Variants in SGMS1 observed in about 807,000 individuals in gnomAD.
SGMS1 encodes the protein sphingomyelin synthase 1.
In SGMS1, 13 loss-of-function variants were observed where a neutral mutation model predicts 46.2. The ratio of observed to expected loss-of-function variants is 0.28; its 90% confidence interval spans 0.18 to 0.45. The LOEUF (loss-of-function observed/expected upper bound fraction) is 0.45, where lower values mean the gene tolerates loss of function less well. SGMS1 is among the 20% of genes least tolerant of loss of function. The probability of loss-of-function intolerance (pLI) is 1.00; values close to 1 mark genes in which losing one functional copy is unlikely to be tolerated. For missense variants in SGMS1, 324 were observed against 519.9 expected, an observed-to-expected ratio of 0.62 and a Z score of 3.66; for synonymous variants, 203 against 187.8, an observed-to-expected ratio of 1.08 and a Z score of -0.66.
intron 2 of SGMS1, among the ~76,000 whole-genome samples, chr10:50,567,554 G>T (rs1329313350): frequency 6.6e-6 from 1 of 152,196 alleles, no homozygotes; most frequent in Non-Finnish European, 1.5e-5. Context: ...ACCTGGCAAC[G>T]AGGAACAGGC....
intron 1 of SGMS1, among the ~76,000 whole-genome samples, chr10:50,618,011 G>A (rs1838813902): frequency 6.6e-6 from 1 of 151,578 alleles, no homozygotes; most frequent in Non-Finnish European, 1.5e-5. Flanking sequence ...GAGCCACCAC[G>A]CTCAGCCTTA....
intron 2 of SGMS1, among the ~76,000 whole-genome samples, chr10:50,570,559 G>A (rs976911675): frequency 6.6e-6 from 1 of 152,154 alleles, no homozygotes; most frequent in Non-Finnish European, 1.5e-5. Context: ...CAAGGTCTAT[G>A]AGCCACTGGT....
At chr10:50,508,059 C>A (rs1195854855) in intron 3 of SGMS1, among the ~76,000 whole-genome samples, 1 of 152,210 alleles carries the variant, frequency 6.6e-6, no homozygotes, top group Non-Finnish European at 1.5e-5. Flanking sequence ...CCCAGCAACT[C>A]AGCCAGTCTT....
intron 3 of SGMS1, among the ~76,000 whole-genome samples, chr10:50,510,999 G>T (rs1229175762): frequency 4.6e-5 from 7 of 152,172 alleles, no homozygotes; most frequent in Non-Finnish European, 8.8e-5. Context: ...TTTGGTAAAT[G>T]ATGAGGACTT....
intron 6 of SGMS1, among the ~76,000 whole-genome samples, chr10:50,428,158 T>A (rs970050283): frequency 1.3e-5 from 2 of 152,078 alleles, no homozygotes; most frequent in African/African-American, 4.8e-5. Context: ...TAATACTAGT[T>A]CCTGTCTGGC....
chr10:50,577,519 CAACA>C (rs1838396081), intron 2 of SGMS1, among the ~76,000 whole-genome samples: 1 of 152,124 alleles, frequency 6.6e-6, no homozygotes, highest in East Asian at 1.9e-4. Context: ...TTAAGAAACC[CAACA>C]AACAACCAGG....
chr10:50,457,268 G>A (rs1320451807), intron 5 of SGMS1, among the ~76,000 whole-genome samples: 1 of 152,086 alleles, frequency 6.6e-6, no homozygotes, highest in Non-Finnish European at 1.5e-5. Flanking sequence ...CATCTTCATA[G>A]GAATAAAAAC....
chr10:50,343,359 T>C (rs114984933), intron 7 of SGMS1, 133 bp downstream of exon 7: 2 of 981,108 alleles, frequency 2.0e-6, no homozygotes. Flanking sequence ...CAACAGGGTA[T>C]GTGTTTAAAA....
chr10:50,496,718 C>T (rs1353548604), intron 3 of SGMS1, among the ~76,000 whole-genome samples: 1 of 152,180 alleles, frequency 6.6e-6, no homozygotes, highest in Admixed American at 6.5e-5. Flanking sequence ...AACAGCTCCT[C>T]TCTACCAGTA....
chr10:50,414,301 G>T (rs922043688), intron 6 of SGMS1, among the ~76,000 whole-genome samples: 1 of 152,238 alleles, frequency 6.6e-6, no homozygotes, highest in Non-Finnish European at 1.5e-5. Flanking sequence ...CTACTCAGCA[G>T]GCTGAGGTGG....
intron 3 of SGMS1, among the ~76,000 whole-genome samples, chr10:50,505,569 A>G (rs1364534585): frequency 6.6e-6 from 1 of 152,194 alleles, no homozygotes; most frequent in African/African-American, 2.4e-5. Flanking sequence ...CACAAAAACT[A>G]TAACCAAAGG....
Position 50,345,489 on chromosome 10 carries a change from C to A in SGMS1, c.-231-1144G>T, listed in dbSNP as rs531051126. 2.0e-5 allele frequency among the ~76,000 whole-genome samples: 3 copies of A among 152,166 alleles called. No individual in the cohort carries two copies. In the East Asian group the frequency reaches 5.8e-4, roughly 29 times the overall value. On this transcript the variant is annotated intron_variant, in intron 6 of 10. Coordinates refer to ENST00000361781, the MANE Select transcript of SGMS1 (RefSeq NM_147156.4). ...CTAACTATGTGAAAATAACCAAATG[C>A]ACATCTGTAGGGAAGATTTTAAAGT...
At chr10:50,542,191 G>A (rs12358162) in intron 2 of SGMS1, among the ~76,000 whole-genome samples, 43,563 of 152,002 alleles carry the variant, frequency 0.29, 7,051 homozygotes, top group Middle Eastern at 0.38. Flanking sequence ...CCCACTTTTC[G>A]TTCTTCAAAG....
intron 3 of SGMS1, among the ~76,000 whole-genome samples, chr10:50,470,815 A>T (rs1479897341): frequency 6.6e-6 from 1 of 152,186 alleles, no homozygotes; most frequent in Non-Finnish European, 1.5e-5. Context: ...AAAACAAAAA[A>T]TAAAAAAGAC....
At chr10:50,348,541 A>C (rs1006032282) in intron 6 of SGMS1, among the ~76,000 whole-genome samples, 1 of 152,170 alleles carries the variant, frequency 6.6e-6, no homozygotes, top group Non-Finnish European at 1.5e-5. Flanking sequence ...CAGAAAGCCA[A>C]ATCATGAGTG....
At chr10:50,334,640 C>T (rs1301233370) in intron 7 of SGMS1, 1 of 152,198 alleles carries the variant, frequency 6.6e-6, no homozygotes, top group Non-Finnish European at 1.5e-5. Context: ...CAGTAACTAG[C>T]ATGTGCAACA....
chr10:50,434,500 C>A (rs1849447835), intron 5 of SGMS1, among the ~76,000 whole-genome samples: 1 of 152,056 alleles, frequency 6.6e-6, no homozygotes, highest in Non-Finnish European at 1.5e-5. Context: ...GGCAGTGTCA[C>A]CTCAGTTACC....
chr10:50,336,166 G>A (rs1418970026), intron 7 of SGMS1: 3 of 152,194 alleles, frequency 2.0e-5, no homozygotes, highest in African/African-American at 7.2e-5. Context: ...GGCACAGCGA[G>A]GCCTGCAAGA....
chr10:50,478,703 G>C (rs1265216709), intron 3 of SGMS1, among the ~76,000 whole-genome samples: 1 of 152,108 alleles, frequency 6.6e-6, no homozygotes, highest in Non-Finnish European at 1.5e-5. Context: ...AAAGATTCTT[G>C]CAAGTAAAAG....
Sources: gnomAD v4.1 joint callset for allele counts (sites outside exome capture counted in the v4.1 genomes callset) on GRCh38, gnomAD v4.1.1 for gene constraint, MANE v1.5 for transcripts, NCBI Gene and HGNC (gene_info 2026-07-23, HGNC 2026-07-21) for gene names.